VWF: variants seen among roughly 807,000 people sequenced by gnomAD.
The protein encoded by VWF is Factor VIII related antigen.
VWF carries 176 observed loss-of-function variants against 308.6 expected under a neutral mutation model. The observed-to-expected ratio is 0.57, with a 90% CI of 0.50 to 0.65. VWF has a LOEUF of 0.65. Among genes scored for constraint, VWF ranks in the 30% least tolerant of loss-of-function variants. The probability of loss-of-function intolerance (pLI) is 0.00; values close to 1 mark genes in which losing one functional copy is unlikely to be tolerated. For missense variants in VWF, 3,146 were observed against 3,648.2 expected, an observed-to-expected ratio of 0.86 and a Z score of 3.55; for synonymous variants, 1,385 against 1,443.4, an observed-to-expected ratio of 0.96 and a Z score of 0.92.
rs570987383 is a variant in VWF, at chr12:5,957,636, C to T, written c.7888-4042G>A. 4.0e-5 allele frequency among the ~76,000 whole-genome samples: 6 copies of T among 151,872 alleles called. No homozygotes were observed. In the South Asian group the frequency reaches 1.2e-3, roughly 31 times the overall value. Reference sequence around the variant, plus strand: ...TACTTAAAGTGATGAAATTTAAAAACAAACCCGTCAACCTAGAATTCTATA... The same window carrying T: ...TACTTAAAGTGATGAAATTTAAAAATAAACCCGTCAACCTAGAATTCTATA... On this transcript the variant is annotated intron_variant, in intron 47 of 51. Coordinates refer to ENST00000261405, the MANE Select transcript of VWF (RefSeq NM_000552.5).
chr12:5,994,297 G>A, intron 36 of VWF, 94 bp from the exon 37 acceptor site: 2 of 1,590,970 alleles, frequency 1.3e-6, no homozygotes, highest in South Asian at 1.1e-5. Context: ...ATCCTCACCA[G>A]AATCTGACCC....
At position 6,027,873 on chromosome 12, in the gene VWF, CA is replaced by C. The variant is rs1565835360; in HGVS notation, c.2967+1468del. 3.4e-3 allele frequency among the ~76,000 whole-genome samples: 509 copies of C among 150,690 alleles called. 1 individual carries two copies. The highest frequency in any genetic ancestry group is 9.2e-3 in the African/African-American group (371 of 40,362). On this transcript the variant is annotated intron_variant, in intron 22 of 51. Transcript: ENST00000261405. ...ATACACACACACACACACACACACA[CA>C]CACACACACCCCTAAACAAAAAAAC...
chr12:5,998,269 C>T (rs975357564), intron 34 of VWF, among the ~76,000 whole-genome samples: 2 of 150,978 alleles, frequency 1.3e-5, no homozygotes, highest in Admixed American at 1.3e-4. Context: ...AAGGCCGAGG[C>T]GGGCGGATCA....
chr12:5,976,283 G>C, intron 42 of VWF, 23 bp from the exon 43 acceptor site: 1 of 1,614,136 alleles, frequency 6.2e-7, no homozygotes, highest in Non-Finnish European at 8.5e-7. Context: ...GTTTTCGTGA[G>C]TGAACTCATT....
chr12:6,073,788 T>G (rs1035866001), intron 7 of VWF, 47 bp from the exon 8 acceptor site: 1 of 1,612,102 alleles, frequency 6.2e-7, no homozygotes, highest in Admixed American at 1.7e-5. Flanking sequence ...GTCCCACCGG[T>G]GCATCATCTC....
chr12:6,058,119 T>C lies in VWF; in HGVS notation c.1534-75A>G. Reference sequence around the variant, plus strand: ...CATAGTTGTTTAGCTAATGAGATGGTTTTAATAAAAAAAAAAAAGTTCCCC... The same window carrying C: ...CATAGTTGTTTAGCTAATGAGATGGCTTTAATAAAAAAAAAAAAGTTCCCC... On this transcript the variant is annotated intron_variant, in intron 13 of 51. Transcript: ENST00000261405. The surrounding 1 kb of genome is among the most constrained non-coding windows in gnomAD (Gnocchi z 4.9). The C allele has an allele frequency of 6.5e-7, 1 of 1,531,722 alleles. No individual in the cohort carries two copies. Among genetic ancestry groups the C allele is most frequent in the Non-Finnish European group, 8.8e-7 (1 of 1,134,696 alleles). The allele number at this position is 1,531,722 out of a possible 1,614,324, so 94.9% of individuals were successfully genotyped here. A position where few individuals can be genotyped will look rare whatever the true frequency, so the allele number is the denominator to read the frequency against.
At chr12:6,096,886 T>A (rs970062685) in intron 5 of VWF, among the ~76,000 whole-genome samples, 3 of 152,122 alleles carry the variant, frequency 2.0e-5, no homozygotes, top group Non-Finnish European at 4.4e-5. Context: ...AAGTAATGCA[T>A]TTGCAAATAG....
At chr12:6,051,644 CTG>C in intron 16 of VWF, among the ~76,000 whole-genome samples, 1 of 152,226 alleles carries the variant, frequency 6.6e-6, no homozygotes, top group East Asian at 1.9e-4. Context: ...GGATTTCCCT[CTG>C]TCGCCCGGGC....
At position 5,995,993 on chromosome 12, in the gene VWF, A is replaced by G; in HGVS notation, c.6063+9T>C. On this transcript the variant is annotated intron_variant, in intron 35 of 51. Transcript: ENST00000261405. ...GCCTTACCACGGATCCACAGAAAGT[A>G]CTTCTCACCTCCATGTCACTGTGCA... The G allele has an allele frequency of 6.2e-7, 1 of 1,611,784 alleles. No individual in the cohort carries two copies. Among genetic ancestry groups the G allele is most frequent in the Non-Finnish European group, 8.5e-7 (1 of 1,179,634 alleles).
chr12:6,032,475 TAA>T (rs200744650), intron 20 of VWF, among the ~76,000 whole-genome samples: 2 of 149,430 alleles, frequency 1.3e-5, no homozygotes, highest in Admixed American at 1.3e-4. Flanking sequence ...CCGTCTCTAC[TAA>T]AATACAAAAA....
At chr12:6,061,770 T>C (rs981983682) in intron 13 of VWF, among the ~76,000 whole-genome samples, 1 of 152,252 alleles carries the variant, frequency 6.6e-6, no homozygotes, top group East Asian at 1.9e-4. Flanking sequence ...ACTACTTTCA[T>C]AATACTATGA....
intron 3 of VWF, among the ~76,000 whole-genome samples, chr12:6,113,472 T>C (rs1172165298): frequency 2.6e-5 from 4 of 152,084 alleles, no homozygotes; most frequent in Admixed American, 2.6e-4. Flanking sequence ...TAATTTGTTG[T>C]ATTTTTAGTA....
intron 28 of VWF, 93 bp downstream of exon 28, chr12:6,018,272 G>A (rs1027144969): frequency 1.3e-6 from 2 of 1,488,924 alleles, no homozygotes. Context: ...GCCAGGATTA[G>A]AACCCGAGTC....
intron 13 of VWF, among the ~76,000 whole-genome samples, chr12:6,061,415 A>C (rs1440488797): frequency 6.7e-6 from 1 of 148,396 alleles, no homozygotes; most frequent in African/African-American, 2.6e-5. Flanking sequence ...TGACAAGAGG[A>C]TCTCCCAGAC....
At chr12:6,039,547 G>A (rs186970008) in intron 18 of VWF, among the ~76,000 whole-genome samples, 3 of 152,278 alleles carry the variant, frequency 2.0e-5, no homozygotes, top group East Asian at 1.9e-4. Context: ...CCTGCTGAGC[G>A]TGATGACTCC....
intron 38 of VWF, 64 bp downstream of exon 38, chr12:5,991,755 C>T: frequency 1.9e-6 from 3 of 1,567,330 alleles, no homozygotes; most frequent in Non-Finnish European, 2.6e-6. Flanking sequence ...CACTGGTGAA[C>T]ATATCTCCCT....
intron 32 of VWF, among the ~76,000 whole-genome samples, chr12:6,012,644 G>C (rs1205990285): frequency 6.6e-6 from 1 of 151,708 alleles, no homozygotes; most frequent in Non-Finnish European, 1.5e-5. Flanking sequence ...TCTAGTAACG[G>C]GAAAATATAC....
chr12:5,971,566 G>T (rs758182931), intron 44 of VWF, 33 bp downstream of exon 44: 1 of 1,576,140 alleles, frequency 6.3e-7, no homozygotes, highest in South Asian at 1.1e-5. Context: ...GCCCCAATCT[G>T]CCCTCCTCCC....
chr12:5,965,479 C>CG (rs1465084012), intron 47 of VWF, among the ~76,000 whole-genome samples: 4 of 152,174 alleles, frequency 2.6e-5, no homozygotes, highest in Non-Finnish European at 4.4e-5. Flanking sequence ...TGCCCTCCTC[C>CG]GGGACGCCTT....
Sources: allele counts gnomAD v4.1 joint callset (sites outside exome capture counted in the v4.1 genomes callset), GRCh38; gene constraint gnomAD v4.1.1; non-coding constraint Gnocchi (gnomAD v3.1); transcripts MANE v1.5; gene names NCBI Gene and HGNC (gene_info 2026-07-23, HGNC 2026-07-21).